The following UBE2W variants were observed in gnomAD, a reference collection of about 807,000 sequenced individuals.
UBE2W encodes ubiquitin conjugating enzyme E2 W, also known as ubiquitin-conjugating enzyme E2 W.
A neutral mutation model predicts 27.2 loss-of-function variants in UBE2W; 18 were observed. That is an observed-to-expected ratio of 0.66 (90% CI 0.46 to 0.98). UBE2W has a LOEUF of 0.98. Ranked by LOEUF, UBE2W falls within the 50% of genes least tolerant of loss-of-function variation. The probability of loss-of-function intolerance (pLI) is 0.00; values close to 1 mark genes in which losing one functional copy is unlikely to be tolerated. For synonymous variants in UBE2W, 53 were observed against 57.2 expected (o/e 0.93, Z 0.33); for missense variants, 90 against 180.2 (o/e 0.50, Z 2.87).
intron 5 of UBE2W, among the ~76,000 whole-genome samples, chr8:73,803,927 C>A (rs957482020): frequency 6.6e-6 from 1 of 151,866 alleles, no homozygotes; most frequent in Non-Finnish European, 1.5e-5. Context: ...CCACCACGCC[C>A]GGCTAATTTT....
At position 73,790,078 on chromosome 8, in the gene UBE2W, G is replaced by A; in HGVS notation, c.*4024C>T. 2.0e-6 allele frequency: 2 copies of A among 984,858 alleles called. No homozygotes were observed. The highest frequency in any genetic ancestry group is 3.5e-5 in the African/African-American group (2 of 57,254). The allele number at this position is 984,858 out of a possible 1,614,324, so 61.0% of individuals were successfully genotyped here. A position where few individuals can be genotyped will look rare whatever the true frequency, so the allele number is the denominator to read the frequency against. Reference sequence around the variant, plus strand: ...GCCATCTACTGACAAACTGAAATTAGTATCAGAAACTCCATGTATTTTATT... The same window carrying A: ...GCCATCTACTGACAAACTGAAATTAATATCAGAAACTCCATGTATTTTATT... On this transcript the variant is annotated 3_prime_UTR_variant, in exon 6 of 6. Transcript: ENST00000602593.
At chr8:73,841,704 C>A (rs796229023) in intron 1 of UBE2W, among the ~76,000 whole-genome samples, 1 of 152,150 alleles carries the variant, frequency 6.6e-6, no homozygotes, top group East Asian at 1.9e-4. Flanking sequence ...CGGATAATTA[C>A]AGAGAAAACA....
At chr8:73,876,047 A>G (rs535411420) in intron 1 of UBE2W, among the ~76,000 whole-genome samples, 18 of 152,110 alleles carry the variant, frequency 1.2e-4, no homozygotes, top group Admixed American at 2.0e-4. Context: ...GCGAGACTCC[A>G]TCTCAACACA....
intron 1 of UBE2W, among the ~76,000 whole-genome samples, chr8:73,849,446 A>T (rs1267434092): frequency 7.5e-6 from 1 of 134,034 alleles, no homozygotes; most frequent in Non-Finnish European, 1.6e-5. Context: ...GCGGAGGTGG[A>T]GATTGTAGTG....
chr8:73,812,330 G>A (rs773766396), intron 3 of UBE2W, among the ~76,000 whole-genome samples: 1 of 151,434 alleles, frequency 6.6e-6, no homozygotes, highest in East Asian at 1.9e-4. Context: ...CTTTGATTTT[G>A]TAATGGCTAC....
chr8:73,843,995 A>G (rs533229995), intron 1 of UBE2W, among the ~76,000 whole-genome samples: 2 of 152,338 alleles, frequency 1.3e-5, no homozygotes, highest in African/African-American at 4.8e-5. Flanking sequence ...CTCAAAAAAA[A>G]TAATAGTAAC....
intron 4 of UBE2W, chr8:73,780,589 G>A (rs1242494795): frequency 2.3e-6 from 1 of 430,326 alleles, no homozygotes. Flanking sequence ...CTGGAGTGCA[G>A]TGGCACAATG....
At chr8:73,816,002 C>T (rs1348389690) in intron 3 of UBE2W, among the ~76,000 whole-genome samples, 1 of 152,124 alleles carries the variant, frequency 6.6e-6, no homozygotes, top group Non-Finnish European at 1.5e-5. Context: ...AGGTAGTCTA[C>T]CATAAACGGT....
At chr8:73,855,404 T>C (rs1049799250) in intron 1 of UBE2W, among the ~76,000 whole-genome samples, 1 of 142,662 alleles carries the variant, frequency 7.0e-6, no homozygotes, top group Non-Finnish European at 1.5e-5. Flanking sequence ...CTTTTTTTTT[T>C]TTTTTTTTTT....
intron 1 of UBE2W, among the ~76,000 whole-genome samples, chr8:73,861,602 C>A (rs1811536568): frequency 6.6e-6 from 1 of 152,140 alleles, no homozygotes; most frequent in South Asian, 2.1e-4. Flanking sequence ...GCCATCGTGA[C>A]CAACCCAGAT....
intron 1 of UBE2W, among the ~76,000 whole-genome samples, chr8:73,868,219 G>A (rs1395405630): frequency 6.6e-6 from 1 of 152,150 alleles, no homozygotes; most frequent in Non-Finnish European, 1.5e-5. Flanking sequence ...GGGGGGCTCA[G>A]GGTTGAATGG....
chr8:73,830,653 AT>A (rs112633533), intron 1 of UBE2W, among the ~76,000 whole-genome samples, 181 bp from the exon 2 acceptor site: 2 of 149,452 alleles, frequency 1.3e-5, no homozygotes, highest in African/African-American at 2.4e-5. Flanking sequence ...TGCCCAGCTA[AT>A]TTTTTTTTTG....
At chr8:73,804,881 C>T (rs1808805350) in intron 5 of UBE2W, among the ~76,000 whole-genome samples, 1 of 151,904 alleles carries the variant, frequency 6.6e-6, no homozygotes, top group Non-Finnish European at 1.5e-5. Context: ...AGCCACCACG[C>T]CCATCTAATT....
rs1314076114 is a variant in UBE2W at position 73,793,215 on chromosome 8, AAC to A, written c.*885_*886del. The A allele has an allele frequency of 1.3e-4, 131 of 985,732 alleles. No homozygotes were observed. The highest frequency in any genetic ancestry group is 1.4e-4 in the Non-Finnish European group (120 of 829,904). The allele number at this position is 985,732 out of a possible 1,614,324, so 61.1% of individuals were successfully genotyped here. A position where few individuals can be genotyped will look rare whatever the true frequency, so the allele number is the denominator to read the frequency against. On this transcript the variant is annotated 3_prime_UTR_variant, in exon 6 of 6. Coordinates refer to ENST00000602593, the MANE Select transcript of UBE2W (RefSeq NM_018299.6). Reference sequence around the variant, plus strand: ...TCATGCTGATGGCTAGCAGGAAGTTAACAGAGTGTAACTTACTTGGAAAAAAT... The same window carrying A: ...TCATGCTGATGGCTAGCAGGAAGTTAAGAGTGTAACTTACTTGGAAAAAAT...
At chr8:73,872,596 A>T (rs2130996381) in intron 1 of UBE2W, among the ~76,000 whole-genome samples, 1 of 152,342 alleles carries the variant, frequency 6.6e-6, no homozygotes, top group African/African-American at 2.4e-5. Context: ...ATTACACAGT[A>T]ACTGAGTAGT....
At chr8:73,832,635 C>T (rs974616007) in intron 1 of UBE2W, among the ~76,000 whole-genome samples, 2 of 152,170 alleles carry the variant, frequency 1.3e-5, no homozygotes, top group Non-Finnish European at 2.9e-5. Flanking sequence ...GGTTGTAGGT[C>T]GAGTAGCCAT....
rs1260486731 is a variant in UBE2W at position 73,787,350 on chromosome 8, T to A, written c.*6752A>T. The A allele has an allele frequency of 2.3e-5, 23 of 985,218 alleles. No homozygotes were observed. Among genetic ancestry groups the A allele is most frequent in the Non-Finnish European group, 2.8e-5 (23 of 829,904 alleles). 61.0% of individuals were successfully genotyped at this position (985,218 alleles called of 1,614,324 possible). On this transcript the variant is annotated 3_prime_UTR_variant, in exon 6 of 6. Transcript: ENST00000602593. ...AAATATAGGGAGGACATAAACAGAG[T>A]CACTTATCCAGGGTAGCTTAAACTA...
At chr8:73,864,743 A>C (rs948005841) in intron 1 of UBE2W, among the ~76,000 whole-genome samples, 1 of 10,174 alleles carries the variant, frequency 9.8e-5, no homozygotes, top group Non-Finnish European at 1.8e-4. Flanking sequence ...TGTCCAGCAA[A>C]TTTTTTTGGG....
At chr8:73,821,519 T>C (rs1357658671) in intron 3 of UBE2W, among the ~76,000 whole-genome samples, 1 of 24,764 alleles carries the variant, frequency 4.0e-5, no homozygotes, top group Non-Finnish European at 7.4e-5. Flanking sequence ...AGTGTGTGTG[T>C]GGTGGGGGGG....
Sources: allele counts gnomAD v4.1 joint callset (sites outside exome capture counted in the v4.1 genomes callset), GRCh38; gene constraint gnomAD v4.1.1; transcripts MANE v1.5; gene names NCBI Gene and HGNC (gene_info 2026-07-23, HGNC 2026-07-21).